The following LRRC4C variants were observed in gnomAD, a reference collection of about 807,000 sequenced individuals.
The protein encoded by LRRC4C is leucine-rich repeat-containing protein 4C.
In LRRC4C, 5 loss-of-function variants were observed where a neutral mutation model predicts 33.6. The ratio of observed to expected loss-of-function variants is 0.15; its 90% CI spans 0.08 to 0.31. The LOEUF (loss-of-function observed/expected upper bound fraction) is 0.31, where lower values mean the gene tolerates loss of function less well. Among genes scored for constraint, LRRC4C ranks in the 10% least tolerant of loss-of-function variants. The probability of loss-of-function intolerance (pLI) is 1.00; values close to 1 mark genes in which losing one functional copy is unlikely to be tolerated. For missense variants in LRRC4C, 560 were observed against 796.7 expected (o/e 0.70, Z 3.58); for synonymous variants, 329 against 302.0 (o/e 1.09, Z -0.93).
At chr11:40,327,858 T>C (rs1390453147) in intron 3 of LRRC4C, among the ~76,000 whole-genome samples, 1 of 152,138 alleles carries the variant, frequency 6.6e-6, no homozygotes, top group Non-Finnish European at 1.5e-5. Context: ...TTGATTACTT[T>C]TATGTTGACC....
intron 4 of LRRC4C, among the ~76,000 whole-genome samples, chr11:40,251,036 A>C (rs1339387732): frequency 6.6e-6 from 1 of 152,150 alleles, no homozygotes; most frequent in African/African-American, 2.4e-5. Context: ...AAAATCTGCT[A>C]TTCTCACTGG....
At chr11:40,933,079 G>A (rs769181439) in intron 2 of LRRC4C, among the ~76,000 whole-genome samples, 29 of 152,188 alleles carry the variant, frequency 1.9e-4, no homozygotes, top group African/African-American at 1.2e-4. Context: ...TGGATTCTGC[G>A]TGGCAAATAA....
At position 40,724,700 on chromosome 11, in the gene LRRC4C, C is replaced by T. The variant is rs964379685; in HGVS notation, c.-406-76422G>A. ...TAATCTAACATCACACCTAAAGGTA[C>T]TAGAGAAACAAAAACTAACAAGAAG... is the stretch of plus-strand genomic sequence containing the variant. On this transcript the variant is annotated intron_variant, in intron 2 of 6. Coordinates refer to ENST00000528697, the MANE Select transcript of LRRC4C (RefSeq NM_001258419.2). 1.2e-4 allele frequency among the ~76,000 whole-genome samples: 17 copies of T among 147,614 alleles called. 1 individual carries two copies. The East Asian group carries it at 2.5e-3, about 22-fold the overall frequency.
chr11:40,737,084 C>G (rs1947908273), intron 2 of LRRC4C, among the ~76,000 whole-genome samples: 1 of 152,012 alleles, frequency 6.6e-6, no homozygotes, highest in South Asian at 2.1e-4. Flanking sequence ...TGCCTATGTC[C>G]TAAATGGTAT....
At chr11:40,659,953 C>T (rs1262096636) in intron 2 of LRRC4C, among the ~76,000 whole-genome samples, 1 of 152,178 alleles carries the variant, frequency 6.6e-6, no homozygotes, top group Non-Finnish European at 1.5e-5. Flanking sequence ...CTGAAACATA[C>T]CCCCCTGCTC....
At chr11:40,825,310 T>C (rs1389838072) in intron 2 of LRRC4C, among the ~76,000 whole-genome samples, 1 of 151,936 alleles carries the variant, frequency 6.6e-6, no homozygotes, top group Non-Finnish European at 1.5e-5. Flanking sequence ...ACGTGATTAC[T>C]GAAGGTCCAG....
chr11:40,763,441 C>T (rs1215822933), intron 2 of LRRC4C, among the ~76,000 whole-genome samples: 1 of 152,138 alleles, frequency 6.6e-6, no homozygotes, highest in East Asian at 1.9e-4. Context: ...TGCTGCCCAA[C>T]AGGAACACCA....
At chr11:40,136,456 T>A (rs1442204330) in intron 6 of LRRC4C, among the ~76,000 whole-genome samples, 2 of 151,014 alleles carry the variant, frequency 1.3e-5, no homozygotes, top group Non-Finnish European at 3.0e-5. Context: ...TTTTGTATTT[T>A]TAGTAGAGAC....
At chr11:41,277,309 T>A (rs570946054) in intron 1 of LRRC4C, among the ~76,000 whole-genome samples, 1 of 152,328 alleles carries the variant, frequency 6.6e-6, no homozygotes, top group African/African-American at 2.4e-5. Context: ...GCATTATTGA[T>A]CTTCTGATAA....
At chr11:40,587,523 G>A (rs1416157375) in intron 3 of LRRC4C, among the ~76,000 whole-genome samples, 30 of 139,708 alleles carry the variant, frequency 2.1e-4, no homozygotes, top group African/African-American at 7.6e-4. Context: ...TTGAATAGGA[G>A]TGGTGAGAGA....
At chr11:40,318,285 T>C (rs1195175458) in intron 4 of LRRC4C, among the ~76,000 whole-genome samples, 1 of 152,130 alleles carries the variant, frequency 6.6e-6, no homozygotes, top group African/African-American at 2.4e-5. Context: ...TTATTATTAT[T>C]ATTTTGCCTT....
chr11:41,193,102 A>G (rs1171582643), intron 1 of LRRC4C, among the ~76,000 whole-genome samples: 4 of 152,150 alleles, frequency 2.6e-5, no homozygotes, highest in Non-Finnish European at 5.9e-5. Context: ...TGCTAATCCC[A>G]AGACTTGAAG....
At chr11:40,360,737 TA>T (rs1947910457) in intron 3 of LRRC4C, among the ~76,000 whole-genome samples, 1 of 152,142 alleles carries the variant, frequency 6.6e-6, no homozygotes, top group African/African-American at 2.4e-5. Context: ...GACTCCTCCC[TA>T]ACTCATTCTA....
At chr11:41,000,775 T>C (rs1373799088) in intron 1 of LRRC4C, among the ~76,000 whole-genome samples, 1 of 152,186 alleles carries the variant, frequency 6.6e-6, no homozygotes, top group East Asian at 1.9e-4. Context: ...TAGTGGATAT[T>C]ATATTTAAAA....
chr11:40,710,596 G>T (rs1946411887), intron 2 of LRRC4C, among the ~76,000 whole-genome samples: 1 of 152,144 alleles, frequency 6.6e-6, no homozygotes, highest in Non-Finnish European at 1.5e-5. Context: ...TAGTCTCAGA[G>T]GGGCACCCGG....
chr11:41,362,352 A>G (rs1022019907), intron 1 of LRRC4C, among the ~76,000 whole-genome samples: 1 of 152,168 alleles, frequency 6.6e-6, no homozygotes, highest in African/African-American at 2.4e-5. Flanking sequence ...GAAAAAGGAA[A>G]AGGAAATAAG....
intron 3 of LRRC4C, among the ~76,000 whole-genome samples, chr11:40,354,263 C>T (rs944251375): frequency 6.6e-6 from 1 of 152,174 alleles, no homozygotes; most frequent in African/African-American, 2.4e-5. Flanking sequence ...GGAGGGCTGA[C>T]ACAAACACCC....
At chr11:41,043,820 C>T (rs1323341174) in intron 1 of LRRC4C, among the ~76,000 whole-genome samples, 1 of 152,000 alleles carries the variant, frequency 6.6e-6, no homozygotes, top group South Asian at 2.1e-4. Context: ...TATAACATTG[C>T]ATTAATAGCC....
chr11:41,191,373 T>C (rs1446932479), intron 1 of LRRC4C, among the ~76,000 whole-genome samples: 1 of 152,152 alleles, frequency 6.6e-6, no homozygotes, highest in South Asian at 2.1e-4. Flanking sequence ...TGACCAATTA[T>C]AGAAGAATTA....
Sources: gnomAD v4.1 joint callset for allele counts (sites outside exome capture counted in the v4.1 genomes callset) on GRCh38, gnomAD v4.1.1 for gene constraint, MANE v1.5 for transcripts, NCBI Gene and HGNC (gene_info 2026-07-23, HGNC 2026-07-21) for gene names.